The following SMYD2 variants were observed in gnomAD, a reference collection of about 807,000 sequenced individuals.
The protein encoded by SMYD2 is N-lysine methyltransferase SMYD2.
Under a neutral mutation model 59.1 loss-of-function variants are expected in SMYD2, and 53 were observed. The observed-to-expected ratio is 0.90, with a 90% CI of 0.72 to 1.13. The LOEUF is 1.13. Among genes scored for constraint, SMYD2 ranks in the 50% most tolerant of loss-of-function variants. The pLI is 0.00. For synonymous variants in SMYD2, 208 were observed against 198.8 expected (o/e 1.05, Z -0.39); for missense variants, 494 against 544.7 (o/e 0.91, Z 0.93).
intron 1 of SMYD2, among the ~76,000 whole-genome samples, chr1:214,282,619 C>A (rs551475371): frequency 6.6e-6 from 1 of 152,174 alleles, no homozygotes; most frequent in African/African-American, 2.4e-5. Context: ...GTGCCTCATT[C>A]TACAATAAGA....
In SMYD2 at chr1:214,312,544, T is replaced by A. The variant is rs1012175090; in HGVS notation, c.238-2218T>A. Among the ~76,000 whole-genome samples the A allele has an allele frequency of 6.6e-6, 1 of 151,928 alleles. No individual in the cohort carries two copies. Among genetic ancestry groups the A allele is most frequent in the African/African-American group, 2.4e-5 (1 of 41,380 alleles). On this transcript the variant is annotated intron_variant, in intron 2 of 11. Transcript: ENST00000366957. This position sits in a 1 kb window ranked among gnomAD's most constrained non-coding sequence, Gnocchi z 4.1. ...TTTCTGACAGGGTGATTGTGGCAGG[T>A]ATCTTGAGAAGGTGACATTCCAGCA... is the stretch of plus-strand genomic sequence containing the variant.
rs149112683 is a variant in SMYD2, at chr1:214,295,972, A to G, written c.174-9215A>G. Among the ~76,000 whole-genome samples the G allele has an allele frequency of 1.2e-4, 19 of 152,196 alleles. No homozygotes were observed. In the East Asian group the frequency reaches 1.7e-3, roughly 14 times the overall value. ...ATTGCACTGCTGGGGCTTTTTTCCCATTCTCTTTTTCATTTGGCTGGGGCT... is the reference window on the plus strand; with the variant it reads ...ATTGCACTGCTGGGGCTTTTTTCCCGTTCTCTTTTTCATTTGGCTGGGGCT... On this transcript the variant is annotated intron_variant, in intron 1 of 11. Coordinates refer to ENST00000366957, the MANE Select transcript of SMYD2 (RefSeq NM_020197.3).
At chr1:214,335,441 G>A (rs1657421229) in intron 11 of SMYD2, among the ~76,000 whole-genome samples, 1 of 152,198 alleles carries the variant, frequency 6.6e-6, no homozygotes, top group South Asian at 2.1e-4. Context: ...GGGCAGAGTC[G>A]GCACCTGGAA....
At chr1:214,303,048 T>G (rs1656851814) in intron 1 of SMYD2, among the ~76,000 whole-genome samples, 1 of 152,130 alleles carries the variant, frequency 6.6e-6, no homozygotes, top group South Asian at 2.1e-4. Flanking sequence ...CCCTTGAAAT[T>G]TTACAGACTT....
At chr1:214,307,257 C>A (rs777637901) in intron 2 of SMYD2, among the ~76,000 whole-genome samples, 1 of 152,208 alleles carries the variant, frequency 6.6e-6, no homozygotes, top group Non-Finnish European at 1.5e-5. Context: ...ATGGTGCCCA[C>A]CTTGATGAGT....
chr1:214,317,353 G>A (rs1289633780), intron 3 of SMYD2, among the ~76,000 whole-genome samples: 1 of 152,184 alleles, frequency 6.6e-6, no homozygotes, highest in Non-Finnish European at 1.5e-5. Flanking sequence ...CAAAGGATTA[G>A]GGGAGACAGG....
chr1:214,313,968 A>G (rs1354115888), intron 2 of SMYD2, among the ~76,000 whole-genome samples: 1 of 152,102 alleles, frequency 6.6e-6, no homozygotes, highest in Non-Finnish European at 1.5e-5. Flanking sequence ...CATGAGGTTA[A>G]GAGATCAAGA....
chr1:214,293,850 A>G (rs780773450), intron 1 of SMYD2, among the ~76,000 whole-genome samples: 1 of 151,500 alleles, frequency 6.6e-6, no homozygotes, highest in Non-Finnish European at 1.5e-5. Flanking sequence ...TTAATTTTGT[A>G]TTTTTACTAG....
At chr1:214,297,641 G>C (rs1011244553) in intron 1 of SMYD2, among the ~76,000 whole-genome samples, 1 of 152,146 alleles carries the variant, frequency 6.6e-6, no homozygotes, top group Non-Finnish European at 1.5e-5. Flanking sequence ...TGAGACTTAT[G>C]AAGAGTTTAA....
At chr1:214,304,582 A>AAAAAAAAC (rs1656886913) in intron 1 of SMYD2, among the ~76,000 whole-genome samples, 1 of 150,908 alleles carries the variant, frequency 6.6e-6, no homozygotes, top group Admixed American at 6.6e-5. Flanking sequence ...AAAAAAAAAA[A>AAAAAAAAC]GCATCTATCT....
At chr1:214,317,204 T>C (rs1283839234) in intron 3 of SMYD2, among the ~76,000 whole-genome samples, 1 of 151,944 alleles carries the variant, frequency 6.6e-6, no homozygotes, top group African/African-American at 2.4e-5. Context: ...CAAAGATGAG[T>C]TTATACAAGC....
intron 3 of SMYD2, among the ~76,000 whole-genome samples, chr1:214,316,699 A>G (rs1017571619): frequency 6.6e-6 from 1 of 152,146 alleles, no homozygotes; most frequent in Non-Finnish European, 1.5e-5. Context: ...TCCTTCAGCT[A>G]TGTTCAGCTT....
At chr1:214,322,336 G>A (rs977579693) in intron 5 of SMYD2, among the ~76,000 whole-genome samples, 7 of 152,144 alleles carry the variant, frequency 4.6e-5, no homozygotes, top group Non-Finnish European at 8.8e-5. Context: ...ACCTAATGTT[G>A]GTTGATGGTC....
At chr1:214,294,376 A>G (rs1656689559) in intron 1 of SMYD2, among the ~76,000 whole-genome samples, 1 of 152,360 alleles carries the variant, frequency 6.6e-6, no homozygotes, top group Non-Finnish European at 1.5e-5. Flanking sequence ...TAAAAAGATA[A>G]CATTTTCCAG....
chr1:214,293,273 C>T (rs561364694), intron 1 of SMYD2, among the ~76,000 whole-genome samples: 7 of 152,034 alleles, frequency 4.6e-5, no homozygotes, highest in African/African-American at 1.7e-4. Flanking sequence ...AGGCTGGTCT[C>T]GAACTCCCGA....
chr1:214,320,795 G>A (rs960463258), intron 5 of SMYD2, among the ~76,000 whole-genome samples: 1 of 152,096 alleles, frequency 6.6e-6, no homozygotes, highest in East Asian at 1.9e-4. Context: ...GTGAAAAGGT[G>A]GCTTCAAGTT....
At chr1:214,319,685 C>T (rs1009440003) in intron 5 of SMYD2, among the ~76,000 whole-genome samples, 2 of 151,824 alleles carry the variant, frequency 1.3e-5, no homozygotes, top group Non-Finnish European at 2.9e-5. Context: ...CACAACCTTC[C>T]TGTTATCGTG....
Position 214,324,713 on chromosome 1 carries a change from G to A in SMYD2, c.602+5G>A. On this transcript the variant is annotated splice_donor_5th_base_variant and intron_variant, in intron 6 of 11. Coordinates refer to ENST00000366957, the MANE Select transcript of SMYD2 (RefSeq NM_020197.3). ...GGGATCAGCGATATTTCCTGAGTAG[G>A]CTGTGTTTGACTTCATTTCTTTCCT... 6.2e-7 allele frequency: 1 copy of A among 1,609,148 alleles called. No homozygotes were observed. Among genetic ancestry groups the A allele is most frequent in the Non-Finnish European group, 8.5e-7 (1 of 1,177,988 alleles).
chr1:214,300,532 A>G (rs958737267), intron 1 of SMYD2, among the ~76,000 whole-genome samples: 1 of 152,218 alleles, frequency 6.6e-6, no homozygotes, highest in Non-Finnish European at 1.5e-5. Flanking sequence ...GCAAAGTGAC[A>G]TTAATGGGAT....
Sources: gnomAD v4.1 joint callset for allele counts (sites outside exome capture counted in the v4.1 genomes callset) on GRCh38, gnomAD v4.1.1 for gene constraint, Gnocchi (gnomAD v3.1) non-coding constraint, MANE v1.5 for transcripts, NCBI Gene and HGNC (gene_info 2026-07-23, HGNC 2026-07-21) for gene names.